Variants in PUDP observed in about 807,000 individuals in gnomAD.
PUDP encodes the protein pseudouridine-5'-phosphatase.
PUDP carries 8 observed loss-of-function variants against 9.4 expected under a neutral mutation model. The observed-to-expected ratio is 0.85, with a 90% CI of 0.50 to 1.53. The LOEUF (loss-of-function observed/expected upper bound fraction) is 1.53. Among genes scored for constraint, PUDP ranks in the 40% most tolerant of loss-of-function variants. The pLI is 0.00. For missense variants in PUDP, 188 were observed against 189.7 expected, an observed-to-expected ratio of 0.99 and a Z score of 0.05; for synonymous variants, 99 against 80.7, an observed-to-expected ratio of 1.23 and a Z score of -1.22.
At chrX:7,034,133 T>C (rs1281252752) in intron 1 of PUDP, among the ~76,000 whole-genome samples, 2 of 111,536 alleles carry the variant, frequency 1.8e-5, no homozygotes, top group African/African-American at 6.5e-5. Context: ...GGCTATGGGG[T>C]AGGGTAGGGT....
intron 3 of PUDP, among the ~76,000 whole-genome samples, chrX:6,728,953 T>G (rs1021341124): frequency 6.3e-5 from 7 of 111,245 alleles, no homozygotes; most frequent in Non-Finnish European, 1.3e-4. Flanking sequence ...TGAGAAGAAC[T>G]GCTTAGGTAT....
chrX:6,731,670 G>A (rs1373281549), intron 3 of PUDP, among the ~76,000 whole-genome samples: 9 of 101,616 alleles, frequency 8.9e-5, no homozygotes, highest in Admixed American at 2.3e-4. Context: ...ATTTCACAGC[G>A]TTTTTGTTTC....
chrX:6,962,960 G>T (rs913660060), intron 3 of PUDP, among the ~76,000 whole-genome samples: 2 of 112,914 alleles, frequency 1.8e-5, no homozygotes, highest in African/African-American at 6.4e-5. Context: ...GAAGCTCTGA[G>T]ACTATTTTAC....
chrX:7,018,976 G>T (rs376298974), intron 1 of PUDP, among the ~76,000 whole-genome samples: 3 of 112,287 alleles, frequency 2.7e-5, no homozygotes, highest in Admixed American at 9.4e-5. Context: ...TAATAATGTT[G>T]ATTCTTGAAA....
chrX:6,854,564 A>G (rs1011064807), intron 3 of PUDP, among the ~76,000 whole-genome samples: 1 of 112,245 alleles, frequency 8.9e-6, no homozygotes, highest in Non-Finnish European at 1.9e-5. Flanking sequence ...CTTAACTACT[A>G]ACAGCTTACT....
At position 6,913,546 on chromosome X, in the gene PUDP, T is replaced by C. The variant is rs371898761; in HGVS notation, c.*247+63587A>G. Among the ~76,000 whole-genome samples the C allele has an allele frequency of 3.6e-5, 4 of 111,942 alleles. No homozygotes were observed. In the East Asian group the frequency reaches 1.1e-3, roughly 31 times the overall value. The stretch of plus-strand genomic sequence containing the variant: ...GTGAGATAGTTATCCTTAAAATCTC[T>C]TGTACAAAAGATGGATTTTTCTTTC... On this transcript the variant is annotated intron_variant and NMD_transcript_variant, in intron 3 of 3. Transcript: ENST00000655425.
chrX:6,978,692 C>T (rs1237783919), intron 1 of PUDP, among the ~76,000 whole-genome samples: 3 of 112,335 alleles, frequency 2.7e-5, no homozygotes, highest in African/African-American at 9.7e-5. Flanking sequence ...CAATTCTGGG[C>T]CATCTTAGCC....
At chrX:6,963,001 G>A (rs1347776537) in intron 3 of PUDP, among the ~76,000 whole-genome samples, 2 of 112,814 alleles carry the variant, frequency 1.8e-5, no homozygotes, top group Non-Finnish European at 3.7e-5. Context: ...AGGCTAAGTT[G>A]CAGCATCAAA....
At chrX:7,132,997 C>T (rs1382009637) in intron 1 of PUDP, among the ~76,000 whole-genome samples, 3 of 111,907 alleles carry the variant, frequency 2.7e-5, no homozygotes, top group South Asian at 3.7e-4. Flanking sequence ...TGGAATGACA[C>T]AGAAGTGGCT....
At chrX:6,839,678 C>T (rs1926636615) in intron 3 of PUDP, among the ~76,000 whole-genome samples, 1 of 111,454 alleles carries the variant, frequency 9.0e-6, no homozygotes, top group African/African-American at 3.3e-5. Context: ...CCACCACACA[C>T]CTATTAGAAT....
Position 7,106,402 on chromosome X carries a change from C to T in PUDP, c.62-564G>A, listed in dbSNP as rs192898897. 5.3e-4 allele frequency among the ~76,000 whole-genome samples: 60 copies of T among 112,418 alleles called. 3 individuals are homozygous for T. The East Asian group carries it at 0.015, about 29-fold the overall frequency. ...CTGAGAATTAACTCCCGGCTCGGCA[C>T]TTACTCAGGGCACAGCCTCAGAAAC... On this transcript the variant is annotated intron_variant, in intron 1 of 3. Coordinates refer to ENST00000381077, the MANE Select transcript of PUDP (RefSeq NM_012080.5).
chrX:7,009,742 G>A (rs773538957), intron 1 of PUDP, among the ~76,000 whole-genome samples: 21 of 111,137 alleles, frequency 1.9e-4, no homozygotes, highest in Non-Finnish European at 3.2e-4. Flanking sequence ...TATCTATGAC[G>A]AGTTAATGGG....
intron 1 of PUDP, among the ~76,000 whole-genome samples, chrX:6,982,638 C>T (rs925827035): frequency 2.7e-5 from 3 of 112,309 alleles, no homozygotes; most frequent in African/African-American, 9.7e-5. Flanking sequence ...AATCTTGCAA[C>T]CTCCAGAATG....
chrX:6,850,235 C>T (rs1308293596), intron 3 of PUDP, among the ~76,000 whole-genome samples: 1 of 112,070 alleles, frequency 8.9e-6, no homozygotes, highest in African/African-American at 3.2e-5. Flanking sequence ...GCGGTCATCA[C>T]GCTCCACTCT....
intron 3 of PUDP, among the ~76,000 whole-genome samples, chrX:6,963,911 C>T (rs780763498): frequency 1.0e-3 from 117 of 112,254 alleles, no homozygotes; most frequent in Non-Finnish European, 1.9e-3. Flanking sequence ...ACTCTATATT[C>T]GTGGGAGGAA....
At chrX:6,756,889 G>A (rs1324499243) in intron 3 of PUDP, among the ~76,000 whole-genome samples, 1 of 112,172 alleles carries the variant, frequency 8.9e-6, no homozygotes, top group Non-Finnish European at 1.9e-5. Flanking sequence ...TTAGGCTACA[G>A]GAACAACATT....
At chrX:7,071,204 C>A (rs1197400120) in intron 3 of PUDP, among the ~76,000 whole-genome samples, 1 of 111,212 alleles carries the variant, frequency 9.0e-6, no homozygotes. Flanking sequence ...TGAATATATG[C>A]CCAGCGACAG....
intron 1 of PUDP, among the ~76,000 whole-genome samples, chrX:6,720,638 G>A (rs1316615765): frequency 1.0e-5 from 1 of 99,781 alleles, no homozygotes; most frequent in African/African-American, 3.8e-5. Flanking sequence ...TTAAGAGAGT[G>A]GATCTCAAAT....
At position 6,732,984 on chromosome X, in the gene PUDP, G is replaced by A. The variant is rs977935584; in HGVS notation, c.*248-26518C>T. ...AAGGAGCAATGGTGCATTCAGGAACGGTCTCTCAAATTGCACGCGCAAAGG... is the reference window on the plus strand; with the variant it reads ...AAGGAGCAATGGTGCATTCAGGAACAGTCTCTCAAATTGCACGCGCAAAGG... On this transcript the variant is annotated intron_variant and NMD_transcript_variant, in intron 3 of 3. Transcript: ENST00000655425. 4.5e-5 allele frequency among the ~76,000 whole-genome samples: 5 copies of A among 111,653 alleles called. No homozygotes were observed. In the Admixed American group the frequency reaches 4.7e-4, roughly 11 times the overall value.
Sources: allele counts gnomAD v4.1 joint callset (sites outside exome capture counted in the v4.1 genomes callset), GRCh38; gene constraint gnomAD v4.1.1; transcripts MANE v1.5; gene names NCBI Gene and HGNC (gene_info 2026-07-23, HGNC 2026-07-21).